The following INSL6 variants were observed in gnomAD, a reference collection of about 807,000 sequenced individuals.
INSL6 encodes the protein insulin-like peptide INSL6.
Under a neutral mutation model 9.4 loss-of-function variants are expected in INSL6, and 16 were observed. The observed-to-expected ratio is 1.70, with a 90% CI of 1.15 to 2.59. INSL6 has a LOEUF of 2.59. Ranked by LOEUF, INSL6 falls within the 30% of genes most tolerant of loss-of-function variation. The probability of loss-of-function intolerance (pLI) is 0.00; values close to 1 mark genes in which losing one functional copy is unlikely to be tolerated. For synonymous variants in INSL6, 154 were observed against 96.9 expected, an observed-to-expected ratio of 1.59 and a Z score of -3.46; for missense variants, 391 against 257.3, an observed-to-expected ratio of 1.52 and a Z score of -3.56.
At chr9:4,999,928 C>T in the INSL6 span, among the ~76,000 whole-genome samples, 1 of 152,276 alleles carries the variant, frequency 6.6e-6, no homozygotes, top group African/African-American at 2.4e-5. Flanking sequence ...TTGTTTTCCT[C>T]ATATCTTTGC....
the INSL6 span, among the ~76,000 whole-genome samples, chr9:5,043,460 G>T: frequency 6.6e-6 from 1 of 152,220 alleles, no homozygotes; most frequent in South Asian, 2.1e-4. Flanking sequence ...ACAAGTGTTA[G>T]AGAATTTGGA....
intron 2 of INSL6, among the ~76,000 whole-genome samples, chr9:5,138,884 G>T (rs1211623885): frequency 6.7e-6 from 1 of 150,134 alleles, no homozygotes; most frequent in Non-Finnish European, 1.5e-5. Context: ...TCTTCTGTCG[G>T]GTTGTTTTTA....
the INSL6 span, chr9:5,042,078 C>G: frequency 4.4e-6 from 1 of 225,978 alleles, no homozygotes; most frequent in Non-Finnish European, 8.8e-6. Flanking sequence ...CGGCCCCATC[C>G]CCGGGACGAG....
the INSL6 span, chr9:5,041,217 T>G: frequency 3.4e-6 from 5 of 1,467,524 alleles, no homozygotes; most frequent in African/African-American, 5.6e-5. Context: ...AACTTCCTGG[T>G]GGGGCGCCCG....
the INSL6 span, chr9:5,072,752 C>G: frequency 3.5e-6 from 2 of 568,424 alleles, no homozygotes; most frequent in Non-Finnish European, 5.5e-6. Context: ...AAGGACTTTT[C>G]TGAGGATACA....
At chr9:5,122,918 T>C, downstream of INSL6, 1 of 816,990 alleles carries the variant, frequency 1.2e-6, no homozygotes, top group Non-Finnish European at 1.9e-6. Context: ...ATGTTTTTTT[T>C]TTTAATTTAT....
At chr9:5,080,844 T>C in the INSL6 span, among the ~76,000 whole-genome samples, 2 of 151,588 alleles carry the variant, frequency 1.3e-5, no homozygotes, top group African/African-American at 4.8e-5. Context: ...ATACATATTC[T>C]AATCTCCTTG....
the INSL6 span, chr9:5,111,627 T>G: frequency 2.7e-6 from 1 of 374,586 alleles, no homozygotes; most frequent in African/African-American, 2.2e-5. Context: ...GGCCCCATGC[T>G]GGGCGGGGGC....
chr9:5,042,542 C>G, the INSL6 span, among the ~76,000 whole-genome samples: 1 of 152,210 alleles, frequency 6.6e-6, no homozygotes, highest in South Asian at 2.1e-4. Flanking sequence ...CCTCCACCCC[C>G]ACCCCTCCAT....
chr9:5,043,019 C>T, the INSL6 span, among the ~76,000 whole-genome samples: 2 of 152,228 alleles, frequency 1.3e-5, no homozygotes, highest in African/African-American at 2.4e-5. Flanking sequence ...CGCGGCTCGG[C>T]CCCTGGGCCC....
chr9:5,104,186 AAG>A, the INSL6 span, among the ~76,000 whole-genome samples: 2 of 152,272 alleles, frequency 1.3e-5, no homozygotes, highest in East Asian at 1.9e-4. Context: ...TAAAGAAGAA[AAG>A]AGAGAAGAAT....
chr9:5,027,616 G>C, the INSL6 span, among the ~76,000 whole-genome samples: 1 of 152,144 alleles, frequency 6.6e-6, no homozygotes, highest in East Asian at 1.9e-4. Flanking sequence ...AATGCTATTT[G>C]ATAGCATTTT....
the INSL6 span, chr9:5,111,059 T>C: frequency 2.6e-6 from 3 of 1,132,648 alleles, no homozygotes; most frequent in Non-Finnish European, 3.8e-6. Flanking sequence ...GGTTCAGGTC[T>C]TGAGAACTGG....
At chr9:5,131,422 C>T (rs1824279059) in intron 3 of INSL6, among the ~76,000 whole-genome samples, 1 of 141,486 alleles carries the variant, frequency 7.1e-6, no homozygotes. Flanking sequence ...TTCTTTAACA[C>T]CACCAGTTAA....
intron 1 of INSL6, among the ~76,000 whole-genome samples, chr9:5,184,129 G>A (rs1380822501): frequency 6.6e-6 from 1 of 152,222 alleles, no homozygotes; most frequent in East Asian, 1.9e-4. Context: ...TTCAGCAACA[G>A]TGACTTTATA....
chr9:5,014,913 C>G, the INSL6 span, among the ~76,000 whole-genome samples: 2 of 148,862 alleles, frequency 1.3e-5, no homozygotes, highest in African/African-American at 5.0e-5. Flanking sequence ...TTAACATTTC[C>G]TTGATTTTTT....
chr9:5,116,965 T>C, the INSL6 span, among the ~76,000 whole-genome samples: 1 of 152,238 alleles, frequency 6.6e-6, no homozygotes, highest in Admixed American at 6.5e-5. Flanking sequence ...AGATGACATT[T>C]CAACGATTGG....
the INSL6 span, among the ~76,000 whole-genome samples, chr9:5,086,322 T>C: frequency 1.1e-4 from 16 of 152,186 alleles, no homozygotes; most frequent in Non-Finnish European, 2.1e-4. Flanking sequence ...CTTTATATCC[T>C]TTACCTTCTC....
chr9:5,061,232 T>C, the INSL6 span, among the ~76,000 whole-genome samples: 3 of 152,228 alleles, frequency 2.0e-5, no homozygotes, highest in African/African-American at 7.2e-5. Flanking sequence ...AAGTCACCAA[T>C]GGCATAGGCC....
Sources: allele counts gnomAD v4.1 joint callset (sites outside exome capture counted in the v4.1 genomes callset), GRCh38; gene constraint gnomAD v4.1.1; transcripts MANE v1.5; gene names NCBI Gene and HGNC (gene_info 2026-07-23, HGNC 2026-07-21).